LONRF1: variants seen among roughly 807,000 people sequenced by gnomAD.
The protein encoded by LONRF1 is LON peptidase N-terminal domain and ring finger 1.
Under a neutral mutation model 85.8 loss-of-function variants are expected in LONRF1, and 37 were observed. The observed-to-expected ratio is 0.43, with a 90% CI of 0.33 to 0.57. The LOEUF is 0.57. Among genes scored for constraint, LONRF1 ranks in the 20% least tolerant of loss-of-function variants. LONRF1 has a pLI of 0.04. For missense variants in LONRF1, 1,036 were observed against 978.0 expected (o/e 1.06, Z -0.79); for synonymous variants, 517 against 390.1 (o/e 1.33, Z -3.83).
chr8:12,742,801 G>A (rs1327741336), intron 2 of LONRF1, among the ~76,000 whole-genome samples: 1 of 151,954 alleles, frequency 6.6e-6, no homozygotes, highest in East Asian at 1.9e-4. Flanking sequence ...CACTTCAGTG[G>A]CACAACCTCA....
rs200466346 is a variant in LONRF1, at chr8:12,736,724, A to G, written c.1428T>C (p.Asp476=). ...DIPEELIDVS[D]FECSLCMRLF... ...ACCTCATGCAGAGAGAACACTCGAA[A>G]TCTGAGACATCGATTAATTCTTCTG... is the stretch of plus-strand genomic sequence containing the variant. The change falls in exon 6 of 12, where the codon GAT becomes GAC. Residue 476 remains aspartate (D), a synonymous_variant. Coordinates refer to ENST00000398246, the MANE Select transcript of LONRF1 (RefSeq NM_152271.5). The G allele has an allele frequency of 1.0e-3, 1,632 of 1,610,718 alleles. No individual in the cohort carries two copies. Among genetic ancestry groups the G allele is most frequent in the Non-Finnish European group, 1.3e-3 (1,533 of 1,178,410 alleles).
chr8:12,731,239 T>G (rs1008701814), intron 8 of LONRF1, among the ~76,000 whole-genome samples: 9 of 152,184 alleles, frequency 5.9e-5, no homozygotes, highest in African/African-American at 1.9e-4. Flanking sequence ...TCAGTTGTGC[T>G]CCCAGTCAGT....
chr8:12,751,540 T>G (rs985082413), intron 1 of LONRF1, among the ~76,000 whole-genome samples: 28 of 151,836 alleles, frequency 1.8e-4, no homozygotes, highest in South Asian at 4.2e-4. Flanking sequence ...CCTGGCCTCA[T>G]GCGATCCGCC....
At position 12,755,257 on chromosome 8, in the gene LONRF1, C is replaced by T; in HGVS notation, c.164G>A (p.Gly55Glu). ...SERWELLLRRGELLALGGHLK... is the reference protein window; with the variant it reads ...SERWELLLRREELLALGGHLK... ...GTGGCCGCCCAGCGCCAGCAGCTCC[C>T]CGCGGCGGAGCAGCAGCTCCCAGCG... Residue 55 changes from glycine to glutamate, a missense_variant, in exon 1 of 12, where the codon GGG becomes GAG. By Grantham distance (98) the Gly-to-Glu change is moderately conservative. Coordinates refer to ENST00000398246, the MANE Select transcript of LONRF1 (RefSeq NM_152271.5). 8.1e-7 allele frequency: 1 copy of T among 1,234,808 alleles called. No individual in the cohort carries two copies. Among genetic ancestry groups the T allele is most frequent in the Non-Finnish European group, 1.0e-6 (1 of 991,368 alleles). 76.5% of individuals were successfully genotyped at this position (1,234,808 alleles called of 1,614,324 possible). A position where few individuals can be genotyped will look rare whatever the true frequency, so the allele number is the denominator to read the frequency against.
intron 1 of LONRF1, among the ~76,000 whole-genome samples, chr8:12,752,734 A>G (rs1453289883): frequency 6.6e-6 from 1 of 152,210 alleles, no homozygotes; most frequent in Admixed American, 6.5e-5. Flanking sequence ...GCTAGACCTC[A>G]ATTATCAAAA....
At chr8:12,748,514 A>T (rs1006606477) in intron 1 of LONRF1, among the ~76,000 whole-genome samples, 1 of 152,220 alleles carries the variant, frequency 6.6e-6, no homozygotes, top group Admixed American at 6.5e-5. Context: ...TTATAAAGAT[A>T]TACAACATTT....
intron 8 of LONRF1, among the ~76,000 whole-genome samples, chr8:12,730,299 G>A (rs543354564): frequency 6.6e-6 from 1 of 152,258 alleles, no homozygotes; most frequent in East Asian, 1.9e-4. Flanking sequence ...TTTGTTTAAA[G>A]CCTATTTATA....
intron 4 of LONRF1, 103 bp downstream of exon 4, chr8:12,737,892 A>G: frequency 8.3e-7 from 1 of 1,199,994 alleles, no homozygotes; most frequent in Non-Finnish European, 1.2e-6. Flanking sequence ...CCAGGTTAAA[A>G]GTACTTAAGT....
chr8:12,745,426 C>T lies in LONRF1; in HGVS notation c.722-2144G>A, dbSNP rs189494342. On this transcript the variant is annotated intron_variant, in intron 1 of 11. Coordinates refer to ENST00000398246, the MANE Select transcript of LONRF1 (RefSeq NM_152271.5). ...ATCACACTGATCTCAAATTCTTAAG[C>T]GCCAAGTGCGCTAAATGAGCCCCTT... 2.2e-3 allele frequency among the ~76,000 whole-genome samples: 328 copies of T among 150,452 alleles called. 1 individual carries two copies. Among genetic ancestry groups the T allele is most frequent in the African/African-American group, 7.6e-3 (313 of 41,000 alleles).
chr8:12,745,443 G>A (rs1585252166), intron 1 of LONRF1, among the ~76,000 whole-genome samples: 1 of 151,162 alleles, frequency 6.6e-6, no homozygotes, highest in African/African-American at 2.4e-5. Flanking sequence ...TGCGCTAAAT[G>A]AGCCCCTTTG....
chr8:12,745,451 T>C (rs902655890), intron 1 of LONRF1, among the ~76,000 whole-genome samples: 2 of 152,018 alleles, frequency 1.3e-5, no homozygotes, highest in South Asian at 2.1e-4. Flanking sequence ...ATGAGCCCCT[T>C]TGAAAAGCAT....
chr8:12,755,181 CG>C lies in LONRF1; in HGVS notation c.239del (p.Pro80ArgfsTer51). 7.6e-7 allele frequency: 1 copy of C among 1,321,866 alleles called. No homozygotes were observed. Among genetic ancestry groups the C allele is most frequent in the Non-Finnish European group, 9.6e-7 (1 of 1,042,876 alleles). 81.9% of individuals were successfully genotyped at this position (1,321,866 alleles called of 1,614,324 possible). On this transcript the variant is annotated frameshift_variant, in exon 1 of 12. Transcript: ENST00000398246. LOFTEE classifies it high-confidence loss of function. ...AFAAALRRGA[P>X]ARPECLGALV... is the part of the protein sequence containing the mutation. ...GGGCGCCCAGGCACTCGGGCCTGGC[CG>C]GGGCCCCGCGGCGCAGCGCCGCCGC...
chr8:12,747,336 C>T (rs1799202539), intron 1 of LONRF1, among the ~76,000 whole-genome samples: 1 of 152,124 alleles, frequency 6.6e-6, no homozygotes, highest in South Asian at 2.1e-4. Context: ...TGGTTAGTAA[C>T]AGGTCTTAAA....
rs371247343 is a variant in LONRF1 at position 12,740,985 on chromosome 8, C to A, written c.852G>T (p.Arg284Ser). The change falls in exon 3 of 12, where the codon AGG (arginine) becomes AGT (serine). Residue 284 changes from arginine (R) to serine (S), a missense_variant. Arg to Ser is a moderately radical substitution (Grantham distance 110). Around this residue, in one of 3 missense-constraint regions of LONRF1, gnomAD observed 742 missense variants for 614.4 expected, o/e 1.21. Transcript: ENST00000398246. ...QLPDWPEVYFRKGKVLCDAGF... is the reference protein window; with the variant it reads ...QLPDWPEVYFSKGKVLCDAGF... ...CAGCATCGCAGAGTACTTTTCCTTT[C>A]CTGAAGTAGACCTTTAATAAAAGCA... The A allele has an allele frequency of 2.5e-6, 4 of 1,613,288 alleles. No homozygotes were observed. The highest frequency in any genetic ancestry group is 3.4e-6 in the Non-Finnish European group (4 of 1,179,478).
In LONRF1 at chr8:12,731,838, T is replaced by G. The variant is rs1187180190; in HGVS notation, c.1586A>C (p.Tyr529Ser). Residue 529 changes from tyrosine (Y) to serine (S), a missense_variant, in exon 8 of 12, where the codon TAC becomes TCC. Tyr to Ser is a moderately radical substitution (Grantham distance 144). Around this residue, in one of 3 missense-constraint regions of LONRF1, gnomAD observed 265 missense variants for 301.5 expected, o/e 0.88. Coordinates refer to ENST00000398246, the MANE Select transcript of LONRF1 (RefSeq NM_152271.5). The part of the protein sequence containing the change: ...SLKEYLADRR[Y>S]CVTQLLEELI... Reference sequence around the variant, plus strand: ...TTCTTCCAACAGCTGTGTGACACAGTACCTCCTATCTGCTAGATACTAAAA... The same window carrying G: ...TTCTTCCAACAGCTGTGTGACACAGGACCTCCTATCTGCTAGATACTAAAA... 1 of 1,612,862 alleles carries G rather than the reference T, an allele frequency of 6.2e-7. No homozygotes were observed. Among genetic ancestry groups the G allele is most frequent in the Admixed American group, 1.7e-5 (1 of 59,942 alleles).
At position 12,755,436 on chromosome 8, in the gene LONRF1, G is replaced by GCGC. The variant is rs1319988004; in HGVS notation, c.-19_-17dup. ...GAGAGGACATGGCCCGCGGAGGGCT[G>GCGC]CGCCGCCGCCGCCCGCCGCCACGGT... On this transcript the variant is annotated 5_prime_UTR_variant, in exon 1 of 12. Transcript: ENST00000398246. 2.8e-5 allele frequency: 32 copies of GCGC among 1,122,886 alleles called. No individual in the cohort carries two copies. The highest frequency in any genetic ancestry group is 1.4e-4 in the East Asian group (3 of 21,610). The allele number at this position is 1,122,886 out of a possible 1,614,324, so 69.6% of individuals were successfully genotyped here.
chr8:12,750,441 A>T lies in LONRF1; in HGVS notation c.721+4259T>A, dbSNP rs563804162. Reference sequence around the variant, plus strand: ...AAACTTTAATTTATAAATTAGGTGTAGTAAGACATTAGCAACAATAACTGA... The same window carrying T: ...AAACTTTAATTTATAAATTAGGTGTTGTAAGACATTAGCAACAATAACTGA... On this transcript the variant is annotated intron_variant, in intron 1 of 11. Coordinates refer to ENST00000398246, the MANE Select transcript of LONRF1 (RefSeq NM_152271.5). Among the ~76,000 whole-genome samples, 125 of 152,360 alleles carry T rather than the reference A, an allele frequency of 8.2e-4. 2 individuals carry two copies. Among genetic ancestry groups the T allele is most frequent in the Admixed American group, 5.1e-3 (78 of 15,302 alleles).
Position 12,740,866 on chromosome 8 carries a change from C to G in LONRF1, c.963+8G>C, listed in dbSNP as rs552677067. ...ACCATGAACTGTAATTGTTGGTAAA[C>G]TGATTACCTTTTGTACTTGCAGCTT... On this transcript the variant is annotated splice_region_variant and intron_variant, in intron 3 of 11. Coordinates refer to ENST00000398246, the MANE Select transcript of LONRF1 (RefSeq NM_152271.5). 2 of 1,612,324 alleles carry G rather than the reference C, an allele frequency of 1.2e-6. No individual in the cohort carries two copies. The highest frequency in any genetic ancestry group is 4.5e-5 in the East Asian group (2 of 44,782).
intron 1 of LONRF1, among the ~76,000 whole-genome samples, chr8:12,746,769 C>G (rs923092746): frequency 6.6e-6 from 1 of 152,152 alleles, no homozygotes; most frequent in Admixed American, 6.5e-5. Flanking sequence ...CATGATCATA[C>G]AGCTAGTAAT....
Sources: allele counts gnomAD v4.1 joint callset (sites outside exome capture counted in the v4.1 genomes callset), GRCh38; gene constraint gnomAD v4.1.1; regional missense constraint gnomAD v4.1.1; transcripts MANE v1.5; gene names NCBI Gene and HGNC (gene_info 2026-07-23, HGNC 2026-07-21).